The following LRMDA variants were observed in gnomAD, a reference collection of about 807,000 sequenced individuals.
LRMDA encodes leucine-rich melanocyte differentiation-associated protein.
A neutral mutation model predicts 29.8 loss-of-function variants in LRMDA; 18 were observed. The observed-to-expected ratio is 0.60, with a 90% CI of 0.42 to 0.90. The LOEUF is 0.90. Among genes scored for constraint, LRMDA ranks in the 40% least tolerant of loss-of-function variants. LRMDA has a pLI of 0.00. For synonymous variants in LRMDA, 125 were observed against 109.4 expected (o/e 1.14, Z -0.89); for missense variants, 273 against 273.9 (o/e 1.00, Z 0.02).
chr10:75,474,449 GGGGTCTGTTTGT>G (rs1844764047), intron 2 of LRMDA, among the ~76,000 whole-genome samples: 1 of 152,206 alleles, frequency 6.6e-6, no homozygotes, highest in South Asian at 2.1e-4. Context: ...GAAGGGGCAA[GGGGTCTGTTTGT>G]GGATCCATTC....
At chr10:76,543,351 TGTG>T in intron 6 of LRMDA, among the ~76,000 whole-genome samples, 1 of 123,742 alleles carries the variant, frequency 8.1e-6, no homozygotes, top group Non-Finnish European at 1.8e-5. Flanking sequence ...TGTGTGTGTG[TGTG>T]TGTGTGTAGA....
intron 6 of LRMDA, among the ~76,000 whole-genome samples, chr10:76,493,747 A>G (rs1842856115): frequency 6.6e-6 from 1 of 152,030 alleles, no homozygotes; most frequent in Non-Finnish European, 1.5e-5. Flanking sequence ...TGGCAATTTT[A>G]GAATCAGTTT....
chr10:76,534,898 A>G (rs192647706), intron 6 of LRMDA, among the ~76,000 whole-genome samples: 1 of 152,302 alleles, frequency 6.6e-6, no homozygotes, highest in African/African-American at 2.4e-5. Context: ...TCTTAGTTCT[A>G]TCCACCCACC....
rs187996063 is a variant in LRMDA, at chr10:76,457,225, C to T, written c.602-99984C>T. 1.4e-4 allele frequency among the ~76,000 whole-genome samples: 21 copies of T among 152,280 alleles called. No individual in the cohort carries two copies. The East Asian group carries it at 2.9e-3, about 21-fold the overall frequency. On this transcript the variant is annotated intron_variant, in intron 6 of 6. Coordinates refer to ENST00000611255, the MANE Select transcript of LRMDA (RefSeq NM_001305581.2). ...ATGCTTTTCCATTTTCTTTTCTCCGCGTCAGCCATGGGACAAGTAACGTAT... is the reference window on the plus strand; with the variant it reads ...ATGCTTTTCCATTTTCTTTTCTCCGTGTCAGCCATGGGACAAGTAACGTAT...
intron 2 of LRMDA, among the ~76,000 whole-genome samples, chr10:75,960,736 C>T (rs1160112301): frequency 6.6e-6 from 1 of 152,192 alleles, no homozygotes; most frequent in Non-Finnish European, 1.5e-5. Context: ...GCCTCAGCCT[C>T]CTGAGTAGCT....
intron 2 of LRMDA, among the ~76,000 whole-genome samples, chr10:75,757,492 C>T (rs945140610): frequency 2.2e-4 from 34 of 152,072 alleles, no homozygotes; most frequent in African/African-American, 7.0e-4. Flanking sequence ...CTGTCACATG[C>T]GGTTGTTAGG....
At chr10:75,793,604 G>A (rs1429656440) in intron 2 of LRMDA, among the ~76,000 whole-genome samples, 1 of 152,160 alleles carries the variant, frequency 6.6e-6, no homozygotes, top group Non-Finnish European at 1.5e-5. Context: ...GTGTGAATGG[G>A]GTCACATGAA....
intron 2 of LRMDA, among the ~76,000 whole-genome samples, chr10:75,830,483 T>C (rs544019117): frequency 6.6e-6 from 1 of 152,278 alleles, no homozygotes; most frequent in Non-Finnish European, 1.5e-5. Context: ...TGGGGAAGCC[T>C]CACAATTATG....
chr10:75,766,264 T>C (rs1321495912), intron 2 of LRMDA, among the ~76,000 whole-genome samples: 1 of 152,240 alleles, frequency 6.6e-6, no homozygotes, highest in African/African-American at 2.4e-5. Flanking sequence ...AGGTGCTGCA[T>C]TGAACTGACT....
intron 2 of LRMDA, among the ~76,000 whole-genome samples, chr10:75,704,725 T>C (rs1345129904): frequency 1.4e-4 from 22 of 152,224 alleles, no homozygotes; most frequent in Admixed American, 1.4e-3. Context: ...GCCAGCCTGG[T>C]GCAGTGGAAA....
intron 5 of LRMDA, among the ~76,000 whole-genome samples, chr10:76,069,703 CT>C (rs1190892868): frequency 6.6e-6 from 1 of 150,464 alleles, no homozygotes; most frequent in Non-Finnish European, 1.5e-5. Flanking sequence ...GTCACCTCTT[CT>C]TTTTTTGTTG....
At chr10:76,235,364 G>T (rs111459318) in intron 5 of LRMDA, among the ~76,000 whole-genome samples, 202 of 152,230 alleles carry the variant, frequency 1.3e-3, no homozygotes, top group African/African-American at 4.8e-3. Flanking sequence ...GAAAAAGTTT[G>T]AAATGTTACC....
chr10:76,127,154 C>T (rs1849898108), intron 5 of LRMDA, among the ~76,000 whole-genome samples: 1 of 152,122 alleles, frequency 6.6e-6, no homozygotes, highest in African/African-American at 2.4e-5. Flanking sequence ...GTGGCTTGTG[C>T]AAGTAGAAAT....
chr10:76,156,912 A>G (rs1328014456), intron 5 of LRMDA, among the ~76,000 whole-genome samples: 2 of 152,180 alleles, frequency 1.3e-5, no homozygotes, highest in South Asian at 2.1e-4. Context: ...TGTGTTAGGT[A>G]TGCCTCAGGG....
At chr10:76,464,438 C>G (rs775181609) in intron 6 of LRMDA, among the ~76,000 whole-genome samples, 4 of 152,142 alleles carry the variant, frequency 2.6e-5, no homozygotes, top group African/African-American at 4.8e-5. Flanking sequence ...GGGAAAAGAG[C>G]TCCTAGGTGA....
At chr10:75,748,013 G>A (rs967836473) in intron 2 of LRMDA, among the ~76,000 whole-genome samples, 2 of 152,086 alleles carry the variant, frequency 1.3e-5, no homozygotes, top group Non-Finnish European at 2.9e-5. Flanking sequence ...CTGCACAGGC[G>A]ACCATCTTCA....
intron 2 of LRMDA, among the ~76,000 whole-genome samples, chr10:75,512,891 T>TA (rs1032705936): frequency 6.6e-6 from 1 of 152,188 alleles, no homozygotes; most frequent in Non-Finnish European, 1.5e-5. Flanking sequence ...CCCTACTTGT[T>TA]AAACAAAATT....
intron 2 of LRMDA, among the ~76,000 whole-genome samples, chr10:75,713,578 T>TG (rs1169771187): frequency 6.6e-6 from 1 of 152,216 alleles, no homozygotes; most frequent in African/African-American, 2.4e-5. Flanking sequence ...AAGAATTGTT[T>TG]GAAAAATGAA....
At chr10:75,592,407 TAA>T (rs1331185070) in intron 2 of LRMDA, among the ~76,000 whole-genome samples, 12 of 152,234 alleles carry the variant, frequency 7.9e-5, no homozygotes, top group Admixed American at 7.2e-4. Context: ...GAAGTTGTAA[TAA>T]AGTCTTCACA....
Sources: gnomAD v4.1 joint callset for allele counts (sites outside exome capture counted in the v4.1 genomes callset) on GRCh38, gnomAD v4.1.1 for gene constraint, MANE v1.5 for transcripts, NCBI Gene and HGNC (gene_info 2026-07-23, HGNC 2026-07-21) for gene names.